LCORL: variants seen among roughly 807,000 people sequenced by gnomAD.
LCORL encodes the protein ligand dependent nuclear receptor corepressor like, also known as ligand-dependent nuclear receptor corepressor-like protein.
LCORL carries 41 observed loss-of-function variants against 141.8 expected under a neutral mutation model. That is an observed-to-expected ratio of 0.29 (90% CI 0.23 to 0.38). LCORL has a LOEUF of 0.38. Ranked by LOEUF, LCORL falls within the 10% of genes least tolerant of loss-of-function variation. The probability of loss-of-function intolerance (pLI) is 1.00; values close to 1 mark genes in which losing one functional copy is unlikely to be tolerated. For synonymous variants in LCORL, 618 were observed against 694.1 expected, an observed-to-expected ratio of 0.89 and a Z score of 1.72; for missense variants, 1,759 against 2,035.0, an observed-to-expected ratio of 0.86 and a Z score of 2.61.
At chr4:17,909,713 T>C (rs1482091787) in intron 4 of LCORL, among the ~76,000 whole-genome samples, 3 of 152,134 alleles carry the variant, frequency 2.0e-5, no homozygotes, top group East Asian at 3.8e-4. Context: ...ATTGTATAAG[T>C]AACCAATTTT....
intron 5 of LCORL, among the ~76,000 whole-genome samples, chr4:17,902,695 C>T (rs1731062194): frequency 6.6e-6 from 1 of 152,046 alleles, no homozygotes; most frequent in African/African-American, 2.4e-5. Context: ...ACAAAGGATA[C>T]TTAATGACAA....
chr4:17,958,567 T>C (rs1487746362), intron 4 of LCORL, among the ~76,000 whole-genome samples: 4 of 152,042 alleles, frequency 2.6e-5, no homozygotes, highest in African/African-American at 9.6e-5. Flanking sequence ...TATATGCCTA[T>C]GTTTATCAAC....
At chr4:17,910,280 TAC>T (rs1471769110) in intron 4 of LCORL, among the ~76,000 whole-genome samples, 1 of 152,236 alleles carries the variant, frequency 6.6e-6, no homozygotes, top group Non-Finnish European at 1.5e-5. Context: ...TGGTGGCTTT[TAC>T]ACACACATTT....
At chr4:17,972,640 A>T (rs1275554818) in intron 2 of LCORL, among the ~76,000 whole-genome samples, 180 bp downstream of exon 2, 1 of 151,606 alleles carries the variant, frequency 6.6e-6, no homozygotes, top group African/African-American at 2.4e-5. Flanking sequence ...AGTATATAAA[A>T]TTTTTTAAAA....
chr4:17,896,870 C>A (rs1730009639), intron 5 of LCORL, among the ~76,000 whole-genome samples: 1 of 151,900 alleles, frequency 6.6e-6, no homozygotes. Flanking sequence ...CCTTACCCCA[C>A]CCCCCACTAT....
intron 4 of LCORL, among the ~76,000 whole-genome samples, chr4:17,915,972 TC>T (rs1733331774): frequency 6.6e-6 from 1 of 152,220 alleles, no homozygotes; most frequent in Admixed American, 6.5e-5. Context: ...CACAGACTGT[TC>T]TTTTTGATAA....
intron 1 of LCORL, among the ~76,000 whole-genome samples, chr4:17,975,752 T>C (rs1331916663): frequency 6.6e-6 from 1 of 152,180 alleles, no homozygotes; most frequent in Non-Finnish European, 1.5e-5. Context: ...ATTACAGTCA[T>C]TGTAAATTTC....
At chr4:17,934,224 A>G (rs1736488169) in intron 4 of LCORL, among the ~76,000 whole-genome samples, 1 of 152,092 alleles carries the variant, frequency 6.6e-6, no homozygotes, top group Admixed American at 6.6e-5. Flanking sequence ...TATGAACTTC[A>G]GTTAATAATA....
intron 1 of LCORL, among the ~76,000 whole-genome samples, chr4:17,999,057 A>T (rs1216356727): frequency 6.8e-6 from 1 of 147,058 alleles, no homozygotes; most frequent in East Asian, 2.0e-4. Flanking sequence ...AACTAGTAAC[A>T]CATTCACTTA....
At chr4:18,017,979 T>C (rs964940258) in intron 1 of LCORL, among the ~76,000 whole-genome samples, 4 of 152,122 alleles carry the variant, frequency 2.6e-5, no homozygotes, top group Admixed American at 2.0e-4. Flanking sequence ...GAGATCAGTA[T>C]AAAGCAAGAA....
At chr4:17,857,759 T>G (rs966038972) in intron 7 of LCORL, among the ~76,000 whole-genome samples, 2 of 152,214 alleles carry the variant, frequency 1.3e-5, no homozygotes, top group African/African-American at 4.8e-5. Context: ...TGCCCAAATA[T>G]CCTCTGAGAC....
Position 17,876,902 on chromosome 4 carries a change from A to T in LCORL, c.2088T>A (p.Tyr696Ter). The T allele has an allele frequency of 8.1e-7, 1 of 1,230,816 alleles. No homozygotes were observed. The highest frequency in any genetic ancestry group is 1.0e-6 in the Non-Finnish European group (1 of 987,042). The allele number at this position is 1,230,816 out of a possible 1,614,324, so 76.2% of individuals were successfully genotyped here. A position where few individuals can be genotyped will look rare whatever the true frequency, so the allele number is the denominator to read the frequency against. ...GAGGTAGTTGCAGTGACTGTAATGC[A>T]TAATTTGGTGAAAATGATGTTTCAG... The change falls in exon 7 of 8, where the codon TAT becomes TAA. Residue 696 changes from tyrosine (Y) to a stop codon, truncating the protein, a stop_gained. Coordinates refer to ENST00000635767, the Ensembl canonical transcript of LCORL. LOFTEE classifies it high-confidence loss of function.
chr4:18,008,857 T>A (rs1275045791), intron 1 of LCORL, among the ~76,000 whole-genome samples: 3 of 152,200 alleles, frequency 2.0e-5, no homozygotes, highest in Non-Finnish European at 4.4e-5. Context: ...ACACTGTTTT[T>A]AAATACTTTT....
intron 7 of LCORL, among the ~76,000 whole-genome samples, chr4:17,860,139 G>A (rs1254372119): frequency 3.3e-5 from 5 of 152,122 alleles, no homozygotes; most frequent in East Asian, 1.9e-4. Context: ...AACAAAGAAC[G>A]TGAATAGCCA....
intron 5 of LCORL, among the ~76,000 whole-genome samples, chr4:17,895,561 G>C (rs1016223633): frequency 1.3e-5 from 2 of 152,056 alleles, no homozygotes; most frequent in Non-Finnish European, 2.9e-5. Flanking sequence ...TTCATCTGTC[G>C]ATGGACATTT....
exon 8 of LCORL, chr4:17,841,904 A>G (rs1722447808): frequency 6.4e-6 from 1 of 156,170 alleles, no homozygotes; most frequent in Non-Finnish European, 1.4e-5. Context: ...TTGTTTCTTT[A>G]GCACCTGTTT....
intron 4 of LCORL, among the ~76,000 whole-genome samples, chr4:17,931,724 T>C (rs915140435): frequency 2.0e-5 from 3 of 152,142 alleles, no homozygotes; most frequent in Non-Finnish European, 4.4e-5. Flanking sequence ...TGACTTAATA[T>C]ATAAAAATTT....
intron 1 of LCORL, among the ~76,000 whole-genome samples, chr4:18,019,333 T>C (rs1045186570): frequency 1.3e-5 from 2 of 152,212 alleles, no homozygotes; most frequent in East Asian, 3.8e-4. Context: ...TAAGACTCCA[T>C]CTCAATAAAT....
At chr4:17,971,047 C>T (rs373555300) in intron 2 of LCORL, among the ~76,000 whole-genome samples, 150 of 152,162 alleles carry the variant, frequency 9.9e-4, no homozygotes, top group Non-Finnish European at 1.7e-3. Flanking sequence ...ATAGACCTCC[C>T]TTTCCAATAC....
Sources: gnomAD v4.1 joint callset for allele counts (sites outside exome capture counted in the v4.1 genomes callset) on GRCh38, gnomAD v4.1.1 for gene constraint, MANE v1.5 for transcripts, NCBI Gene and HGNC (gene_info 2026-07-23, HGNC 2026-07-21) for gene names.